Variants in XIAP observed in about 807,000 individuals in gnomAD.
XIAP encodes the protein E3 ubiquitin-protein ligase XIAP.
A neutral mutation model predicts 33.1 loss-of-function variants in XIAP; 3 were observed. The ratio of observed to expected loss-of-function variants is 0.09; its 90% CI spans 0.04 to 0.23. The LOEUF is 0.23. Ranked by LOEUF, XIAP falls within the 10% of genes least tolerant of loss-of-function variation. XIAP has a pLI of 1.00. For synonymous variants in XIAP, 98 were observed against 121.3 expected (o/e 0.81, Z 1.26); for missense variants, 264 against 363.0 (o/e 0.73, Z 2.22).
rs773747251 is a variant in XIAP, at chrX:123,874,091, CTT to C, written c.-32-11538_-32-11537del. On this transcript the variant is annotated intron_variant, in intron 1 of 6. Coordinates refer to ENST00000371199, the MANE Select transcript of XIAP (RefSeq NM_001167.4). ...ACTTCCTGTGAATGAAAAGCCAAAA[CTT>C]TGCATTACCAGGCCTTGCTATTGAT... Among the ~76,000 whole-genome samples, 725 of 111,643 alleles carry C rather than the reference CTT, an allele frequency of 6.5e-3. 7 individuals are homozygous for C. Among genetic ancestry groups the C allele is most frequent in the African/African-American group, 0.022 (685 of 30,755 alleles).
chrX:123,889,861 C>CT (rs1391027305), intron 3 of XIAP, among the ~76,000 whole-genome samples: 1 of 109,895 alleles, frequency 9.1e-6, no homozygotes, highest in African/African-American at 3.3e-5. Flanking sequence ...GAAATGTGTG[C>CT]TTTTTTGTTG....
chrX:123,888,004 TAATAAATAAATAAATA>T (rs911261667), intron 2 of XIAP, among the ~76,000 whole-genome samples: 2 of 66,528 alleles, frequency 3.0e-5, no homozygotes, highest in African/African-American at 1.0e-4. Flanking sequence ...TAATAATAAT[TAATAAATAAATAAATA>T]AATAAATAAA....
chrX:123,863,152 A>T (rs947119972), intron 1 of XIAP, among the ~76,000 whole-genome samples: 3 of 111,175 alleles, frequency 2.7e-5, no homozygotes, highest in African/African-American at 9.8e-5. Context: ...CATATTTTTT[A>T]AAAAAGTTAA....
chrX:123,872,102 A>G (rs940307522), intron 1 of XIAP, among the ~76,000 whole-genome samples: 6 of 110,776 alleles, frequency 5.4e-5, no homozygotes, highest in African/African-American at 2.0e-4. Flanking sequence ...TCCATCTCAT[A>G]GTAATAATAA....
intron 5 of XIAP, among the ~76,000 whole-genome samples, chrX:123,900,047 G>A (rs917039403): frequency 8.9e-6 from 1 of 111,759 alleles, no homozygotes; most frequent in East Asian, 2.8e-4. Context: ...AAGTTTGAGA[G>A]CTAGGAAATT....
rs994858342 is a variant in XIAP at position 123,912,898 on chromosome X, C to A, written c.*5717C>A. ...CTTGAATTTCTGACCTCAAGTGATT[C>A]ATCTCCCAAAGTGCTGGGATTACAG... On this transcript the variant is annotated 3_prime_UTR_variant, in exon 7 of 7. Coordinates refer to ENST00000371199, the MANE Select transcript of XIAP (RefSeq NM_001167.4). The A allele has an allele frequency of 6.1e-6, 2 of 326,922 alleles. No homozygotes were observed. Among genetic ancestry groups the A allele is most frequent in the Admixed American group, 6.3e-5 (2 of 31,896 alleles). The allele number at this position is 326,922 out of a possible 1,213,427, so 26.9% of individuals were successfully genotyped here.
In XIAP at chrX:123,902,364, A is replaced by G. The variant is rs149085117; in HGVS notation, c.1300+1671A>G. On this transcript the variant is annotated intron_variant, in intron 6 of 6. Coordinates refer to ENST00000371199, the MANE Select transcript of XIAP (RefSeq NM_001167.4). ...AGTCTCACTAAATTGAGAGGCAAGT[A>G]ATTGATACAGGCTCTCTACTCATGC... 9.4e-3 allele frequency among the ~76,000 whole-genome samples: 1,052 copies of G among 111,716 alleles called. 12 individuals are homozygous for G. The highest frequency in any genetic ancestry group is 0.032 in the African/African-American group (985 of 30,777).
intron 1 of XIAP, chrX:123,873,668 G>A (rs987485230): frequency 1.8e-5 from 2 of 110,007 alleles, no homozygotes; most frequent in South Asian, 7.9e-4. Context: ...GCACACACCT[G>A]TAATCCCAGC....
In XIAP at chrX:123,908,053, A is replaced by G. The variant is rs771602516; in HGVS notation, c.*872A>G. 2.8e-4 allele frequency: 104 copies of G among 368,393 alleles called. 1 individual carries two copies. Among genetic ancestry groups the G allele is most frequent in the Non-Finnish European group, 3.4e-4 (67 of 194,823 alleles). The allele number at this position is 368,393 out of a possible 1,213,427, so 30.4% of individuals were successfully genotyped here. A position where few individuals can be genotyped will look rare whatever the true frequency, so the allele number is the denominator to read the frequency against. ...TGTTCTGTTCGAATTTTTTATAAGT[A>G]TGTATTACTTTTGTAATCAGAATTT... is the stretch of plus-strand genomic sequence containing the variant. On this transcript the variant is annotated 3_prime_UTR_variant, in exon 7 of 7. Coordinates refer to ENST00000371199, the MANE Select transcript of XIAP (RefSeq NM_001167.4).
intron 1 of XIAP, among the ~76,000 whole-genome samples, chrX:123,884,944 C>CAAA (rs5903649): frequency 0.012 from 1,059 of 92,070 alleles, 23 homozygotes; most frequent in African/African-American, 0.039. Context: ...ATGTCATGGG[C>CAAA]AAAAAAAAAA....
rs767961408 is a variant in XIAP at position 123,913,366 on chromosome X, C to T, written c.*6185C>T. 7 of 324,768 alleles carry T rather than the reference C, an allele frequency of 2.2e-5. No homozygotes were observed. The highest frequency in any genetic ancestry group is 2.7e-5 in the African/African-American group (1 of 37,476). 26.8% of individuals were successfully genotyped at this position (324,768 alleles called of 1,213,427 possible). A position where few individuals can be genotyped will look rare whatever the true frequency, so the allele number is the denominator to read the frequency against. ...ATGCCTGTAGTCCCAGCTACTAGAG[C>T]GACTGAGGCAGGAGAATTGCTTGAA... On this transcript the variant is annotated 3_prime_UTR_variant, in exon 7 of 7. Coordinates refer to ENST00000371199, the MANE Select transcript of XIAP (RefSeq NM_001167.4).
chrX:123,892,696 A>G, intron 4 of XIAP, 35 bp from the exon 5 acceptor site: 1 of 1,147,575 alleles, frequency 8.7e-7, no homozygotes, highest in Non-Finnish European at 1.2e-6. Context: ...TCTACCAAAA[A>G]TAATTCTAAC....
At position 123,909,088 on chromosome X, in the gene XIAP, G is replaced by T; in HGVS notation, c.*1907G>T. 3.6e-6 allele frequency: 1 copy of T among 281,415 alleles called. No homozygotes were observed. The highest frequency in any genetic ancestry group is 6.6e-6 in the Non-Finnish European group (1 of 150,655). 23.2% of individuals were successfully genotyped at this position (281,415 alleles called of 1,213,427 possible). ...TTGTCACCCAGGCTGGAGTGCAGTG[G>T]AGTGATCTCTGCTCACTGCAACCTC... On this transcript the variant is annotated 3_prime_UTR_variant, in exon 7 of 7. Transcript: ENST00000371199.
intron 6 of XIAP, among the ~76,000 whole-genome samples, chrX:123,903,994 C>G (rs1467622337): frequency 9.0e-6 from 1 of 111,520 alleles, no homozygotes; most frequent in Non-Finnish European, 1.9e-5. Context: ...CATTAAACAA[C>G]TCCCCATTCC....
intron 6 of XIAP, among the ~76,000 whole-genome samples, chrX:123,902,646 C>G (rs1215641454): frequency 9.0e-6 from 1 of 110,534 alleles, no homozygotes; most frequent in Non-Finnish European, 1.9e-5. Flanking sequence ...TTTTTTCTTT[C>G]TTTGAAAAAA....
intron 1 of XIAP, among the ~76,000 whole-genome samples, chrX:123,864,635 A>T (rs1431918047): frequency 4.7e-5 from 4 of 84,674 alleles, no homozygotes; most frequent in Admixed American, 1.4e-4. Context: ...CCCGGCTTAG[A>T]GTGTGTGTGT....
chrX:123,891,394 T>C (rs1235491566), intron 4 of XIAP, 78 bp downstream of exon 4: 4 of 483,368 alleles, frequency 8.3e-6, no homozygotes, highest in Non-Finnish European at 1.3e-5. Flanking sequence ...GTTTATATTA[T>C]ATCATTTGTT....
Position 123,909,863 on chromosome X carries a change from T to G in XIAP, c.*2682T>G, listed in dbSNP as rs191855689. 3.7e-4 allele frequency: 120 copies of G among 328,151 alleles called. 1 individual carries two copies. In the East Asian group the frequency reaches 8.6e-3, roughly 23 times the overall value. 27.0% of individuals were successfully genotyped at this position (328,151 alleles called of 1,213,427 possible). A position where few individuals can be genotyped will look rare whatever the true frequency, so the allele number is the denominator to read the frequency against. On this transcript the variant is annotated 3_prime_UTR_variant, in exon 7 of 7. Transcript: ENST00000371199. ...AAATTTTTGGAGACTTAACAGCATT[T>G]GTCTGTGTTTGAACTATAAAAAGCA... is the stretch of plus-strand genomic sequence containing the variant.
rs1408561154 is a variant in XIAP at position 123,860,150 on chromosome X, C to T, written c.-176C>T. 3.0e-6 allele frequency: 1 copy of T among 328,377 alleles called. No individual in the cohort carries two copies. The highest frequency in any genetic ancestry group is 5.9e-6 in the Non-Finnish European group (1 of 169,702). 27.1% of individuals were successfully genotyped at this position (328,377 alleles called of 1,213,427 possible). On this transcript the variant is annotated 5_prime_UTR_variant, in exon 1 of 7. Coordinates refer to ENST00000371199, the MANE Select transcript of XIAP (RefSeq NM_001167.4). ...GCGCGTGAGGGAGACGAAGGGACTT[C>T]CGTTTCCTTCACCTAGGCTGGGGCC...
Sources: gnomAD v4.1 joint callset for allele counts (sites outside exome capture counted in the v4.1 genomes callset) on GRCh38, gnomAD v4.1.1 for gene constraint, MANE v1.5 for transcripts, NCBI Gene and HGNC (gene_info 2026-07-23, HGNC 2026-07-21) for gene names.